ACIN1: variants seen among roughly 807,000 people sequenced by gnomAD.
ACIN1 encodes apoptotic chromatin condensation inducer in the nucleus.
Under a neutral mutation model 146.6 loss-of-function variants are expected in ACIN1, and 16 were observed. The observed-to-expected ratio is 0.11, with a 90% confidence interval of 0.07 to 0.17. The LOEUF (loss-of-function observed/expected upper bound fraction) is 0.17, where lower values mean the gene tolerates loss of function less well. ACIN1 is among the 10% of genes least tolerant of loss of function. The pLI, the probability that ACIN1 is intolerant of heterozygous loss-of-function variation, is 1.00. For synonymous variants in ACIN1, 569 were observed against 582.7 expected (o/e 0.98, Z 0.34); for missense variants, 1,357 against 1,609.3 (o/e 0.84, Z 2.68).
At chr14:23,070,619 C>G (rs1335056192) in intron 8 of ACIN1, among the ~76,000 whole-genome samples, 2 of 152,096 alleles carry the variant, frequency 1.3e-5, no homozygotes, top group Non-Finnish European at 2.9e-5. Flanking sequence ...CAACTTCTAT[C>G]TCAAATCTCA....
intron 8 of ACIN1, among the ~76,000 whole-genome samples, chr14:23,073,591 G>C (rs1468440926): frequency 1.3e-5 from 2 of 152,148 alleles, no homozygotes; most frequent in Non-Finnish European, 2.9e-5. Context: ...CCAGGATGCA[G>C]AGGTTGTGGT....
intron 9 of ACIN1, chr14:23,069,178 G>C (rs985776585): frequency 9.2e-7 from 1 of 1,088,290 alleles, no homozygotes; most frequent in African/African-American, 1.6e-5. Context: ...AGCAGGAAAA[G>C]CTGAACATAA....
chr14:23,062,600 G>T, intron 14 of ACIN1, 77 bp from the exon 15 acceptor site: 1 of 1,343,830 alleles, frequency 7.4e-7, no homozygotes, highest in Non-Finnish European at 1.1e-6. Flanking sequence ...CCGAGCTGCT[G>T]TCACAGGAGT....
intron 5 of ACIN1, 67 bp downstream of exon 5, chr14:23,081,681 G>C (rs569682116): frequency 2.9e-6 from 4 of 1,366,026 alleles, no homozygotes; most frequent in African/African-American, 2.9e-5. Flanking sequence ...CTCAAAACAA[G>C]TCTGAAGAAG....
rs2047553591 is a variant in ACIN1, at chr14:23,069,250, A to G, written c.2265+226T>C. The G allele has an allele frequency of 7.3e-6, 9 of 1,237,786 alleles. No individual in the cohort carries two copies. In the East Asian group the frequency reaches 2.6e-4, roughly 36 times the overall value. 76.7% of individuals were successfully genotyped at this position (1,237,786 alleles called of 1,614,324 possible). A position where few individuals can be genotyped will look rare whatever the true frequency, so the allele number is the denominator to read the frequency against. ...AGTTACAAACGTCTAGAGTCTGGGC[A>G]CTACTTCCCCAACAAGGAAAGGAAA... is the stretch of plus-strand genomic sequence containing the variant. On this transcript the variant is annotated intron_variant, in intron 9 of 18. Transcript: ENST00000605057.
At chr14:23,084,331 G>A (rs879532963) in intron 4 of ACIN1, among the ~76,000 whole-genome samples, 4 of 152,138 alleles carry the variant, frequency 2.6e-5, no homozygotes, top group Non-Finnish European at 5.9e-5. Flanking sequence ...ATGAGGCTGG[G>A]CACGGTGGCT....
chr14:23,064,470 G>A lies in ACIN1; in HGVS notation c.2327C>T (p.Pro776Leu). ...CCCCTCTGTGTCACTGTTTCCAGCT[G>A]GCACCCCCTTGGTAGCTGCTGTCCC... ...ISVVSATKGVPAGNSDTEGGQ... is the reference protein window; with the variant it reads ...ISVVSATKGVLAGNSDTEGGQ... The change falls in exon 11 of 19, where the codon CCA becomes CTA. Residue 776 changes from proline to leucine, a missense_variant. Coordinates refer to ENST00000605057, the MANE Select transcript of ACIN1 (RefSeq NM_001386863.1). The A allele has an allele frequency of 6.2e-7, 1 of 1,614,078 alleles. No individual in the cohort carries two copies.
At chr14:23,081,859 G>A in intron 4 of ACIN1, 23 bp from the exon 5 acceptor site, 1 of 1,586,104 alleles carries the variant, frequency 6.3e-7, no homozygotes, top group Non-Finnish European at 8.6e-7. Context: ...AAAGAATCAA[G>A]TCAGATTCAT....
chr14:23,067,541 CATG>C lies in ACIN1; in HGVS notation c.2266-1536_2266-1534del. The C allele has an allele frequency of 1.0e-6, 1 of 985,976 alleles. No homozygotes were observed. Among genetic ancestry groups the C allele is most frequent in the Non-Finnish European group, 1.2e-6 (1 of 830,264 alleles). The allele number at this position is 985,976 out of a possible 1,614,324, so 61.1% of individuals were successfully genotyped here. A position where few individuals can be genotyped will look rare whatever the true frequency, so the allele number is the denominator to read the frequency against. On this transcript the variant is annotated intron_variant, in intron 9 of 18. Coordinates refer to ENST00000605057, the MANE Select transcript of ACIN1 (RefSeq NM_001386863.1). This position sits in a 1 kb window ranked among gnomAD's most constrained non-coding sequence, Gnocchi z 4.6. ...GTGTGGGGGGACGCTGCCCAGTTTC[CATG>C]ATGTCAAGACAGTTCACTGGCGGTG...
Position 23,089,653 on chromosome 14 carries a change from C to T in ACIN1, c.436+329G>A, listed in dbSNP as rs115619613. Among the ~76,000 whole-genome samples, 1,503 of 152,258 alleles carry T rather than the reference C, an allele frequency of 9.9e-3. 26 individuals carry two copies. The highest frequency in any genetic ancestry group is 0.034 in the African/African-American group (1,418 of 41,524). Reference sequence around the variant, plus strand: ...GCAGATACCCAACTCCAGAGGGTGACTGAATGTGTTAACACGTAATATACA... The same window carrying T: ...GCAGATACCCAACTCCAGAGGGTGATTGAATGTGTTAACACGTAATATACA... On this transcript the variant is annotated intron_variant, in intron 4 of 18. Transcript: ENST00000605057.
intron 9 of ACIN1, chr14:23,069,021 C>T: frequency 2.0e-6 from 2 of 986,428 alleles, no homozygotes; most frequent in Non-Finnish European, 2.4e-6. Flanking sequence ...AGTCAGACCA[C>T]TGGAGGGCAG....
intron 1 of ACIN1, chr14:23,094,717 G>C (rs757959031): frequency 1.5e-6 from 1 of 662,686 alleles, no homozygotes; most frequent in Admixed American, 3.6e-5. Flanking sequence ...GGGGGAAGGA[G>C]GAAGGAGCTT....
Position 23,081,801 on chromosome 14 carries a change from A to G in ACIN1, c.472T>C (p.Ser158Pro), listed in dbSNP as rs1379529412. Reference protein sequence around the residue: ...SSSISEEKGDSDDEKPRKGER... With the variant: ...SSSISEEKGDPDDEKPRKGER... ...CCTTTCCTTGGTTTCTCATCATCAG[A>G]GTCACCTTTCTCTTCAGAAATTGAG... Residue 158 changes from serine (S) to proline (P), a missense_variant, in exon 5 of 19, where the codon TCT (serine) becomes CCT (proline). Physicochemically the swap from Ser to Pro is moderately conservative, Grantham distance 74 (BLOSUM62 -1). Around this residue, in one of 4 missense-constraint regions of ACIN1, gnomAD observed 771 missense variants for 746.6 expected, o/e 1.03. Transcript: ENST00000605057. 4 of 1,612,908 alleles carry G rather than the reference A, an allele frequency of 2.5e-6. No individual in the cohort carries two copies. Among genetic ancestry groups the G allele is most frequent in the Non-Finnish European group, 3.4e-6 (4 of 1,179,916 alleles).
At chr14:23,064,896 CA>C (rs55914303) in intron 10 of ACIN1, among the ~76,000 whole-genome samples, 74 of 116,452 alleles carry the variant, frequency 6.4e-4, no homozygotes, top group Admixed American at 5.2e-4. Flanking sequence ...GACTCCGTCT[CA>C]AAAAAAAAAA....
chr14:23,059,102 C>T lies in ACIN1; in HGVS notation c.*46G>A, dbSNP rs1327991465. The T allele has an allele frequency of 2.5e-6, 4 of 1,589,958 alleles. No homozygotes were observed. The highest frequency in any genetic ancestry group is 2.2e-5 in the East Asian group (1 of 44,726). On this transcript the variant is annotated 3_prime_UTR_variant, in exon 19 of 19. Coordinates refer to ENST00000605057, the MANE Select transcript of ACIN1 (RefSeq NM_001386863.1). ...TGCCTATCCCTCTGTGGCCATAACC[C>T]CCTGGGGCCGAGTGGCTGGTACCTG...
chr14:23,084,596 C>T (rs1162021561), intron 4 of ACIN1, among the ~76,000 whole-genome samples: 49 of 145,412 alleles, frequency 3.4e-4, no homozygotes, highest in Middle Eastern at 3.7e-3. Flanking sequence ...GGCGACAGAG[C>T]GAGACTCCAT....
chr14:23,062,210 G>T lies in ACIN1; in HGVS notation c.3057C>A (p.Ser1019=), dbSNP rs140365495. The change falls in exon 16 of 19, where the codon TCC becomes TCA. Residue 1019 remains serine, a synonymous_variant. Coordinates refer to ENST00000605057, the MANE Select transcript of ACIN1 (RefSeq NM_001386863.1). ...TALHGVKWPQ[S]NPKFLCADYA... is the part of the protein sequence containing the mutation. Reference sequence around the variant, plus strand: ...AGTCAGCACAAAGGAATTTGGGATTGGACTGGGGCCATTTGACCCCGTGCA... The same window carrying T: ...AGTCAGCACAAAGGAATTTGGGATTTGACTGGGGCCATTTGACCCCGTGCA... 2.5e-6 allele frequency: 4 copies of T among 1,614,058 alleles called. No individual in the cohort carries two copies. The highest frequency in any genetic ancestry group is 3.4e-6 in the Non-Finnish European group (4 of 1,180,006).
chr14:23,083,073 A>G (rs2047992507), intron 4 of ACIN1, among the ~76,000 whole-genome samples: 1 of 151,850 alleles, frequency 6.6e-6, no homozygotes, highest in South Asian at 2.1e-4. Flanking sequence ...AGGAAAAAAA[A>G]AGTTCTATTA....
At position 23,069,628 on chromosome 14, in the gene ACIN1, G is replaced by C. The variant is rs375019690; in HGVS notation, c.2124-11C>G. 112 of 1,599,906 alleles carry C rather than the reference G, an allele frequency of 7.0e-5. No homozygotes were observed. The highest frequency in any genetic ancestry group is 4.5e-4 in the Admixed American group (26 of 58,112). ...TCCTCCTTCTCCTCACTGACAGGAG[G>C]GGGGAGTGGTGGTGGGGGGGCGGGC... is the stretch of plus-strand genomic sequence containing the variant. On this transcript the variant is annotated splice_polypyrimidine_tract_variant and intron_variant, in intron 8 of 18. Transcript: ENST00000605057.
Sources: gnomAD v4.1 joint callset for allele counts (sites outside exome capture counted in the v4.1 genomes callset) on GRCh38, gnomAD v4.1.1 for gene constraint, gnomAD v4.1.1 regional missense constraint, Gnocchi (gnomAD v3.1) non-coding constraint, MANE v1.5 for transcripts, NCBI Gene and HGNC (gene_info 2026-07-23, HGNC 2026-07-21) for gene names.